The following MYRIP variants were observed in gnomAD, a reference collection of about 807,000 sequenced individuals.
The protein encoded by MYRIP is myosin VIIA and Rab interacting protein, also known as rab effector MyRIP.
A neutral mutation model predicts 98.0 loss-of-function variants in MYRIP; 49 were observed. The ratio of observed to expected loss-of-function variants is 0.50; its 90% CI spans 0.40 to 0.63. The LOEUF (loss-of-function observed/expected upper bound fraction) is 0.63, where lower values mean the gene tolerates loss of function less well. Among genes scored for constraint, MYRIP ranks in the 30% least tolerant of loss-of-function variants. The probability of loss-of-function intolerance (pLI) is 0.00; values close to 1 mark genes in which losing one functional copy is unlikely to be tolerated. For synonymous variants in MYRIP, 404 were observed against 409.5 expected, an observed-to-expected ratio of 0.99 and a Z score of 0.16; for missense variants, 1,004 against 1,058.2, an observed-to-expected ratio of 0.95 and a Z score of 0.71.
chr3:40,005,575 T>A (rs1170754986), intron 2 of MYRIP, among the ~76,000 whole-genome samples: 3 of 152,202 alleles, frequency 2.0e-5, no homozygotes, highest in Non-Finnish European at 4.4e-5. Context: ...ATAGATTTCA[T>A]AGGCAGATGA....
chr3:39,974,232 C>T (rs532026755), intron 2 of MYRIP, among the ~76,000 whole-genome samples: 1 of 152,184 alleles, frequency 6.6e-6, no homozygotes, highest in Admixed American at 6.5e-5. Flanking sequence ...ACCACCGATC[C>T]CATAGAAATA....
chr3:40,097,370 A>G lies in MYRIP; in HGVS notation c.332+53099A>G, dbSNP rs140509965. ...GGTTGGCATTCTTATCCTCTGACCT[A>G]TAGTGCCCACAAAAGAGTTCACAAA... On this transcript the variant is annotated intron_variant, in intron 3 of 16. Transcript: ENST00000302541. Among the ~76,000 whole-genome samples the G allele has an allele frequency of 8.0e-3, 1,223 of 152,266 alleles. 9 individuals are homozygous for G. Among genetic ancestry groups the G allele is most frequent in the Middle Eastern group, 0.017 (5 of 294 alleles).
intron 4 of MYRIP, among the ~76,000 whole-genome samples, chr3:40,161,558 C>T (rs1317317429): frequency 1.3e-5 from 2 of 152,158 alleles, no homozygotes; most frequent in African/African-American, 2.4e-5. Flanking sequence ...TGCATCTTAT[C>T]CCTCTCACCT....
chr3:40,248,958 C>T (rs1027025710), intron 13 of MYRIP, among the ~76,000 whole-genome samples: 1 of 152,190 alleles, frequency 6.6e-6, no homozygotes, highest in African/African-American at 2.4e-5. Flanking sequence ...CTTCACCTAC[C>T]TCCTCCTCCT....
Position 40,028,348 on chromosome 3 carries a change from C to G in MYRIP, c.111-15702C>G, listed in dbSNP as rs183918236. 2.9e-3 allele frequency among the ~76,000 whole-genome samples: 447 copies of G among 152,276 alleles called. 3 individuals carry two copies. Among genetic ancestry groups the G allele is most frequent in the Admixed American group, 6.0e-3 (91 of 15,292 alleles). The stretch of plus-strand genomic sequence containing the variant: ...AAATGCAAATAAAAGCCACAGTGAG[C>G]TAACACTTCACACCCCCTGTTACCC... On this transcript the variant is annotated intron_variant, in intron 2 of 16. Coordinates refer to ENST00000302541, the MANE Select transcript of MYRIP (RefSeq NM_015460.4).
intron 2 of MYRIP, among the ~76,000 whole-genome samples, chr3:39,921,833 G>A (rs1304353493): frequency 2.2e-5 from 3 of 134,254 alleles, no homozygotes; most frequent in African/African-American, 5.6e-5. Flanking sequence ...AGTAAGCCAA[G>A]ATTGTGCCAC....
chr3:40,177,994 A>G (rs896404767), intron 8 of MYRIP, among the ~76,000 whole-genome samples: 2 of 152,170 alleles, frequency 1.3e-5, no homozygotes, highest in South Asian at 2.1e-4. Flanking sequence ...TGCTATAATT[A>G]TAGGATTGAA....
At chr3:39,854,678 G>A (rs66930006) in intron 1 of MYRIP, among the ~76,000 whole-genome samples, 7,717 of 152,190 alleles carry the variant, frequency 0.051, 227 homozygotes, top group African/African-American at 0.065. Context: ...TCCATTGCTT[G>A]GGAGCTGGTG....
intron 2 of MYRIP, among the ~76,000 whole-genome samples, chr3:39,993,008 T>A (rs547929049): frequency 2.4e-4 from 37 of 152,364 alleles, no homozygotes; most frequent in Non-Finnish European, 4.0e-4. Context: ...CAGACCATTT[T>A]GTGCTGATAT....
chr3:40,034,285 C>T (rs1429048184), intron 2 of MYRIP, among the ~76,000 whole-genome samples: 1 of 151,888 alleles, frequency 6.6e-6, no homozygotes, highest in Non-Finnish European at 1.5e-5. Context: ...GTGAACAGGC[C>T]ACCTACAAAA....
intron 2 of MYRIP, among the ~76,000 whole-genome samples, chr3:39,918,894 T>C (rs1944236859): frequency 6.6e-6 from 1 of 152,072 alleles, no homozygotes; most frequent in African/African-American, 2.4e-5. Context: ...GGAGACTAGA[T>C]GGTAAATGTT....
chr3:40,062,825 C>T (rs758633880), intron 3 of MYRIP, among the ~76,000 whole-genome samples: 1 of 152,138 alleles, frequency 6.6e-6, no homozygotes, highest in African/African-American at 2.4e-5. Context: ...CTGGTAGCAT[C>T]GTGTGCCATT....
chr3:39,860,478 C>A (rs1942435553), intron 1 of MYRIP, among the ~76,000 whole-genome samples: 2 of 152,168 alleles, frequency 1.3e-5, no homozygotes, highest in Non-Finnish European at 2.9e-5. Context: ...CTGAACAGAT[C>A]AGGGTGATCT....
chr3:40,154,373 A>G (rs754423239), intron 4 of MYRIP, among the ~76,000 whole-genome samples: 1 of 152,090 alleles, frequency 6.6e-6, no homozygotes, highest in Non-Finnish European at 1.5e-5. Flanking sequence ...AACACCTACT[A>G]TGTGCCCATC....
chr3:40,192,347 T>TAC, intron 10 of MYRIP, among the ~76,000 whole-genome samples: 1 of 134,414 alleles, frequency 7.4e-6, no homozygotes, highest in South Asian at 2.4e-4. Context: ...ATATGTCATA[T>TAC]ATATATTTAT....
At chr3:40,088,223 C>T (rs1401294598) in intron 3 of MYRIP, among the ~76,000 whole-genome samples, 1 of 152,164 alleles carries the variant, frequency 6.6e-6, no homozygotes, top group Non-Finnish European at 1.5e-5. Context: ...ACTCATCAGT[C>T]TTTACTAGTC....
chr3:40,156,593 A>G (rs1284941953), intron 4 of MYRIP, among the ~76,000 whole-genome samples: 3 of 151,280 alleles, frequency 2.0e-5, no homozygotes, highest in South Asian at 2.1e-4. Flanking sequence ...CAGTATGGCC[A>G]TTTTCACGAT....
chr3:40,088,127 A>G (rs528397493), intron 3 of MYRIP, among the ~76,000 whole-genome samples: 1 of 152,272 alleles, frequency 6.6e-6, no homozygotes, highest in East Asian at 1.9e-4. Flanking sequence ...ATGCTGTGGG[A>G]AGACAGCAGG....
chr3:40,111,775 A>G (rs1298824825), intron 3 of MYRIP, among the ~76,000 whole-genome samples: 1 of 152,170 alleles, frequency 6.6e-6, no homozygotes, highest in Non-Finnish European at 1.5e-5. Flanking sequence ...AAGTTACCCA[A>G]TTATTTGGTA....
Sources: gnomAD v4.1 joint callset for allele counts (sites outside exome capture counted in the v4.1 genomes callset) on GRCh38, gnomAD v4.1.1 for gene constraint, MANE v1.5 for transcripts, NCBI Gene and HGNC (gene_info 2026-07-23, HGNC 2026-07-21) for gene names.